GUCY2D: variants seen among roughly 807,000 people sequenced by gnomAD.
GUCY2D encodes the protein retinal guanylyl cyclase 1.
In GUCY2D, 70 loss-of-function variants were observed where a neutral mutation model predicts 101.3. The ratio of observed to expected loss-of-function variants is 0.69; its 90% CI spans 0.57 to 0.84. The LOEUF is 0.84. Ranked by LOEUF, GUCY2D falls within the 40% of genes least tolerant of loss-of-function variation. The pLI, the probability that GUCY2D is intolerant of heterozygous loss-of-function variation, is 0.00. For missense variants in GUCY2D, 1,460 were observed against 1,542.5 expected, an observed-to-expected ratio of 0.95 and a Z score of 0.90; for synonymous variants, 688 against 670.7, an observed-to-expected ratio of 1.03 and a Z score of -0.40.
rs1393725902 is a variant in GUCY2D at position 8,011,734 on chromosome 17, T to G, written c.1750-410T>G. Among the ~76,000 whole-genome samples the G allele has an allele frequency of 6.6e-6, 1 of 152,096 alleles. No individual in the cohort carries two copies. Among genetic ancestry groups the G allele is most frequent in the Non-Finnish European group, 1.5e-5 (1 of 67,996 alleles). On this transcript the variant is annotated intron_variant, in intron 8 of 19. Transcript: ENST00000254854. The surrounding 1 kb of genome is among the most constrained non-coding windows in gnomAD (Gnocchi z 4.3). ...GTCCCAGCTATTCAGGAGGCTGAGG[T>G]AGGAGGATCACTTGAACCAAGGAAT...
At chr17:8,017,672 A>G (rs2151804665) in intron 19 of GUCY2D, among the ~76,000 whole-genome samples, 1 of 152,320 alleles carries the variant, frequency 6.6e-6, no homozygotes, top group East Asian at 1.9e-4. Flanking sequence ...AAGCAGTTGG[A>G]CAGAAAATCC....
chr17:8,015,645 C>A, intron 15 of GUCY2D, 98 bp from the exon 16 acceptor site: 3 of 1,185,008 alleles, frequency 2.5e-6, no homozygotes, highest in Non-Finnish European at 2.4e-6. Context: ...ATTTGGGGGG[C>A]TGGTGGAGAT....
intron 6 of GUCY2D, 55 bp from the exon 7 acceptor site, chr17:8,007,876 A>T (rs1246413854): frequency 8.9e-7 from 1 of 1,123,672 alleles, no homozygotes; most frequent in African/African-American, 1.5e-5. Context: ...ACCTCAACCC[A>T]GGACTCTGAC....
At chr17:8,012,023 C>T (rs999237019) in intron 8 of GUCY2D, 121 bp from the exon 9 acceptor site, 5 of 743,868 alleles carry the variant, frequency 6.7e-6, no homozygotes, top group Admixed American at 6.0e-5. Flanking sequence ...TCAACCATTT[C>T]ATCCACCATT....
At chr17:8,009,485 C>T (rs968943154) in intron 7 of GUCY2D, 21 bp from the exon 8 acceptor site, 16 of 1,540,154 alleles carry the variant, frequency 1.0e-5, no homozygotes, top group Admixed American at 1.7e-5. Context: ...GAGTTCCCTA[C>T]CCCCATCCTC....
In GUCY2D at chr17:8,011,421, C is replaced by T. The variant is rs1331737378; in HGVS notation, c.1750-723C>T. Among the ~76,000 whole-genome samples, 10 of 152,038 alleles carry T rather than the reference C, an allele frequency of 6.6e-5. No individual in the cohort carries two copies. The highest frequency in any genetic ancestry group is 4.1e-4 in the South Asian group (2 of 4,828). On this transcript the variant is annotated intron_variant, in intron 8 of 19. Transcript: ENST00000254854. This position sits in a 1 kb window ranked among gnomAD's most constrained non-coding sequence, Gnocchi z 4.3. Reference sequence around the variant, plus strand: ...CAAAAGAAAAGAAAGAAAGTGGCACCGCTCCTCCCTGGCTCTCCCAGCAAA... The same window carrying T: ...CAAAAGAAAAGAAAGAAAGTGGCACTGCTCCTCCCTGGCTCTCCCAGCAAA...
intron 18 of GUCY2D, 67 bp downstream of exon 18, chr17:8,016,357 C>A: frequency 7.0e-7 from 1 of 1,435,714 alleles, no homozygotes; most frequent in Non-Finnish European, 9.6e-7. Context: ...TGTGTCTGAC[C>A]CCCCGCGCGC....
rs180896227 is a variant in GUCY2D at position 8,009,635 on chromosome 17, T to G, written c.1749+49T>G. ...GCCTAGGTGGCCATCGGTTTCTCCCTCCTTGCCTTCTCTTTGCAGCTGGGT... is the reference window on the plus strand; with the variant it reads ...GCCTAGGTGGCCATCGGTTTCTCCCGCCTTGCCTTCTCTTTGCAGCTGGGT... On this transcript the variant is annotated intron_variant, in intron 8 of 19. Transcript: ENST00000254854. 4.0e-4 allele frequency: 478 copies of G among 1,206,170 alleles called. 2 individuals are homozygous for G. Among genetic ancestry groups the G allele is most frequent in the Non-Finnish European group, 5.6e-4 (449 of 807,490 alleles). 74.7% of individuals were successfully genotyped at this position (1,206,170 alleles called of 1,614,324 possible).
In GUCY2D at chr17:8,013,154, G is replaced by A. The variant is rs745426085; in HGVS notation, c.2165G>A (p.Arg722Gln). 2.7e-5 allele frequency: 44 copies of A among 1,613,720 alleles called. No homozygotes were observed. The highest frequency in any genetic ancestry group is 6.7e-5 in the East Asian group (3 of 44,876). ...ELLRDPALER[R>Q]GTLAGDVFSL... ...CTTAGGGACCCAGCCCTGGAGCGCC[G>A]GGGAACGCTGGCCGGCGACGTCTTT... The change falls in exon 11 of 20, where the codon CGG becomes CAG. Residue 722 changes from arginine (R) to glutamine (Q), a missense_variant. Transcript: ENST00000254854. This position sits in a 1 kb window ranked among gnomAD's most constrained non-coding sequence, Gnocchi z 5.0.
rs1598144065 is a variant in GUCY2D at position 8,003,423 on chromosome 17, G to A, written c.376G>A (p.Gly126Ser). 6.6e-7 allele frequency: 1 copy of A among 1,506,684 alleles called. No individual in the cohort carries two copies. The highest frequency in any genetic ancestry group is 8.8e-7 in the Non-Finnish European group (1 of 1,134,776). 93.3% of individuals were successfully genotyped at this position (1,506,684 alleles called of 1,614,324 possible). The change falls in exon 2 of 20, where the codon GGT becomes AGT. Residue 126 changes from glycine to serine, a missense_variant. Gly to Ser is a moderately conservative substitution (Grantham distance 56). Around this residue, in one of 3 missense-constraint regions of GUCY2D, gnomAD observed 1,196 missense variants for 1,229.6 expected, o/e 0.97. Transcript: ENST00000254854. ...SALARVSGLV[G>S]PVNPAACRPA... ...GCTGGCCCGCGTGTCGGGCCTCGTG[G>A]GTCCGGTGAACCCTGCGGCCTGCCG...
chr17:8,018,550 A>T (rs1976017521), intron 19 of GUCY2D, among the ~76,000 whole-genome samples: 1 of 152,166 alleles, frequency 6.6e-6, no homozygotes, highest in Non-Finnish European at 1.5e-5. Context: ...TTGAGCTAAC[A>T]TTTAAAAATC....
In GUCY2D at chr17:8,013,427, G is replaced by A. The variant is rs1975897369; in HGVS notation, c.2263+175G>A. 1 of 692,250 alleles carries A rather than the reference G, an allele frequency of 1.4e-6. No individual in the cohort carries two copies. The highest frequency in any genetic ancestry group is 2.7e-5 in the East Asian group (1 of 36,550). 42.9% of individuals were successfully genotyped at this position (692,250 alleles called of 1,614,324 possible). A position where few individuals can be genotyped will look rare whatever the true frequency, so the allele number is the denominator to read the frequency against. On this transcript the variant is annotated intron_variant, in intron 11 of 19. Transcript: ENST00000254854. The surrounding 1 kb of genome is among the most constrained non-coding windows in gnomAD (Gnocchi z 5.0). ...GCAGAAAGCCGTGCATGGCCAGGGTGGGGAGCGTGGTTCATTAGGTCCCAG... is the reference window on the plus strand; with the variant it reads ...GCAGAAAGCCGTGCATGGCCAGGGTAGGGAGCGTGGTTCATTAGGTCCCAG...
rs1346164552 is a variant in GUCY2D at position 8,015,360 on chromosome 17, C to T, written c.2802C>T (p.Ala934=). 2.5e-6 allele frequency: 4 copies of T among 1,610,652 alleles called. No homozygotes were observed. Among genetic ancestry groups the T allele is most frequent in the African/African-American group, 2.7e-5 (2 of 74,944 alleles). ...VETIGDAYMV[A]SGLPQRNGQR... is the part of the protein sequence containing the mutation. ...CAATAGGGGACGCCTATATGGTGGC[C>T]TCGGGGCTGCCCCAGCGGAATGGGC... is the stretch of plus-strand genomic sequence containing the variant. The change falls in exon 15 of 20, where the codon GCC becomes GCT. Residue 934 remains alanine (A), a synonymous_variant. Coordinates refer to ENST00000254854, the MANE Select transcript of GUCY2D (RefSeq NM_000180.4).
intron 4 of GUCY2D, 67 bp downstream of exon 4, chr17:8,006,781 G>A: frequency 7.5e-7 from 1 of 1,337,130 alleles, no homozygotes; most frequent in Middle Eastern, 2.4e-4. Context: ...TGATGAAAGA[G>A]AGTGGACTCC....
intron 6 of GUCY2D, 40 bp from the exon 7 acceptor site, chr17:8,007,891 G>A: frequency 7.8e-7 from 1 of 1,277,500 alleles, no homozygotes; most frequent in Non-Finnish European, 1.1e-6. Context: ...TCTGACACCA[G>A]AATATATTTT....
chr17:8,013,333 A>G lies in GUCY2D; in HGVS notation c.2263+81A>G. ...AGAGCCAGCCTCACTCTTTCCTCTA[A>G]AGCAAAGCCCAGTGATGAAACTCAA... On this transcript the variant is annotated intron_variant, in intron 11 of 19. Coordinates refer to ENST00000254854, the MANE Select transcript of GUCY2D (RefSeq NM_000180.4). This position sits in a 1 kb window ranked among gnomAD's most constrained non-coding sequence, Gnocchi z 5.0. 1 of 1,399,188 alleles carries G rather than the reference A, an allele frequency of 7.1e-7. No individual in the cohort carries two copies. Among genetic ancestry groups the G allele is most frequent in the Non-Finnish European group, 1.0e-6 (1 of 998,324 alleles). The allele number at this position is 1,399,188 out of a possible 1,614,324, so 86.7% of individuals were successfully genotyped here.
chr17:8,006,954 C>T, intron 4 of GUCY2D, 106 bp from the exon 5 acceptor site: 1 of 956,624 alleles, frequency 1.0e-6, no homozygotes, highest in Admixed American at 1.9e-5. Flanking sequence ...CCTCTCTGGG[C>T]CCCCATCCCC....
chr17:8,013,902 C>T lies in GUCY2D; in HGVS notation c.2286C>T (p.Ser762=), dbSNP rs777306136. 1.2e-6 allele frequency: 2 copies of T among 1,612,884 alleles called. No homozygotes were observed. The highest frequency in any genetic ancestry group is 1.3e-5 in the African/African-American group (1 of 74,910). Residue 762 remains serine, a synonymous_variant, in exon 12 of 20, where the codon AGC becomes AGT. Coordinates refer to ENST00000254854, the MANE Select transcript of GUCY2D (RefSeq NM_000180.4). The surrounding 1 kb of genome is among the most constrained non-coding windows in gnomAD (Gnocchi z 5.0). ...CAGAAGTGGTGCAGAGGGTGCGGAG[C>T]CCCCCTCCACTGTGTCGGCCCTTGG... ...TPEEVVQRVR[S]PPPLCRPLVS...
Position 8,007,970 on chromosome 17 carries a change from A to C in GUCY2D, c.1606A>C (p.Met536Leu), listed in dbSNP as rs1469093409. ...GSRSSLGARS[M>L]SDIRSGPSQH... ...TCGATCAAGTCTGGGTGCCCGCAGCATGTCAGACATTCGCAGCGGCCCCAG... is the reference window on the plus strand; with the variant it reads ...TCGATCAAGTCTGGGTGCCCGCAGCCTGTCAGACATTCGCAGCGGCCCCAG... Residue 536 changes from methionine (M) to leucine (L), a missense_variant, in exon 7 of 20, where the codon ATG (methionine) becomes CTG (leucine). Physicochemically the swap from Met to Leu is conservative, Grantham distance 15 (BLOSUM62 2). This residue lies in a region of GUCY2D where 1,196 missense variants were observed against 1,229.6 expected (regional missense o/e 0.97). Coordinates refer to ENST00000254854, the MANE Select transcript of GUCY2D (RefSeq NM_000180.4). 1 of 1,613,860 alleles carries C rather than the reference A, an allele frequency of 6.2e-7. No individual in the cohort carries two copies. The highest frequency in any genetic ancestry group is 8.5e-7 in the Non-Finnish European group (1 of 1,179,786).
Sources: allele counts gnomAD v4.1 joint callset (sites outside exome capture counted in the v4.1 genomes callset), GRCh38; gene constraint gnomAD v4.1.1; regional missense constraint gnomAD v4.1.1; non-coding constraint Gnocchi (gnomAD v3.1); transcripts MANE v1.5; gene names NCBI Gene and HGNC (gene_info 2026-07-23, HGNC 2026-07-21).